The following FAM47E variants were observed in gnomAD, a reference collection of about 807,000 sequenced individuals.
FAM47E encodes family with sequence similarity 47 member E, also known as protein FAM47E.
A neutral mutation model predicts 41.6 loss-of-function variants in FAM47E; 32 were observed. The observed-to-expected ratio is 0.77, with a 90% CI of 0.58 to 1.03. The LOEUF is 1.03. Ranked by LOEUF, FAM47E falls within the 50% of genes least tolerant of loss-of-function variation. The pLI, the probability that FAM47E is intolerant of heterozygous loss-of-function variation, is 0.00. For synonymous variants in FAM47E, 184 were observed against 188.7 expected, an observed-to-expected ratio of 0.98 and a Z score of 0.20; for missense variants, 424 against 485.4, an observed-to-expected ratio of 0.87 and a Z score of 1.19.
chr4:76,265,237 G>T (rs975269506), intron 3 of FAM47E, among the ~76,000 whole-genome samples: 1 of 152,164 alleles, frequency 6.6e-6, no homozygotes, highest in Non-Finnish European at 1.5e-5. Context: ...CCTCCATGAG[G>T]AGCAAGATGG....
chr4:76,283,299 G>T (rs534666343), intron 7 of FAM47E, 82 bp from the exon 8 acceptor site: 1 of 739,912 alleles, frequency 1.4e-6, no homozygotes, highest in African/African-American at 1.8e-5. Context: ...TTTTGAGTTA[G>T]ATATGGTAGT....
In FAM47E at chr4:76,268,665, A is replaced by G. The variant is rs1285438308; in HGVS notation, c.566A>G (p.Lys189Arg). The G allele has an allele frequency of 3.9e-6, 6 of 1,550,128 alleles. No individual in the cohort carries two copies. The South Asian group carries it at 6.0e-5, about 15-fold the overall frequency. The change falls in exon 4 of 8, where the codon AAG (lysine) becomes AGG (arginine). Residue 189 changes from lysine (K) to arginine (R), a missense_variant. Physicochemically the swap from Lys to Arg is conservative, Grantham distance 26. Transcript: ENST00000424749. ...HSTQVYLGPSKKTSVSNAGQW... is the reference protein window; with the variant it reads ...HSTQVYLGPSRKTSVSNAGQW... ...TTTAATGATCTTATCTTTAGTTCCA[A>G]GAAGACGTCTGTGTCAAACGCAGGC...
intron 2 of FAM47E, among the ~76,000 whole-genome samples, chr4:76,226,294 G>T (rs575985514): frequency 5.9e-5 from 9 of 152,328 alleles, no homozygotes; most frequent in African/African-American, 1.9e-4. Flanking sequence ...TGAGGACATT[G>T]AGGGTAGAAA....
chr4:76,272,035 A>G (rs1166246353), intron 5 of FAM47E, among the ~76,000 whole-genome samples: 1 of 152,246 alleles, frequency 6.6e-6, no homozygotes, highest in Non-Finnish European at 1.5e-5. Flanking sequence ...TATATGTTGG[A>G]ATACTAAAAG....
At chr4:76,253,543 G>T (rs965865571) in intron 1 of FAM47E, among the ~76,000 whole-genome samples, 1 of 152,126 alleles carries the variant, frequency 6.6e-6, no homozygotes, top group Non-Finnish European at 1.5e-5. Context: ...ATGCAGAATG[G>T]TAAGCTTATT....
rs1175209182 is a variant in FAM47E, at chr4:76,280,432, A to G, written c.1104+91A>G. 10 of 700,804 alleles carry G rather than the reference A, an allele frequency of 1.4e-5. No individual in the cohort carries two copies. The East Asian group carries it at 2.8e-4, about 20-fold the overall frequency. 43.4% of individuals were successfully genotyped at this position (700,804 alleles called of 1,614,324 possible). A position where few individuals can be genotyped will look rare whatever the true frequency, so the allele number is the denominator to read the frequency against. ...AGAGGTTATGACCCTGACAAACCCAAATAGTTCTCTTACAGGCACATACCA... is the reference window on the plus strand; with the variant it reads ...AGAGGTTATGACCCTGACAAACCCAGATAGTTCTCTTACAGGCACATACCA... On this transcript the variant is annotated intron_variant, in intron 7 of 7. Transcript: ENST00000424749.
At chr4:76,271,874 A>G (rs576562392) in intron 5 of FAM47E, 106 bp downstream of exon 5, 1 of 1,291,130 alleles carries the variant, frequency 7.7e-7, no homozygotes, top group African/African-American at 1.5e-5. Context: ...TTTTTAAAGT[A>G]GAATTCTGGA....
At chr4:76,229,016 G>A (rs1346298469) in intron 2 of FAM47E, among the ~76,000 whole-genome samples, 3 of 152,066 alleles carry the variant, frequency 2.0e-5, no homozygotes, top group Non-Finnish European at 4.4e-5. Flanking sequence ...TTTCATGGAC[G>A]CTTTATTCAT....
intron 2 of FAM47E, among the ~76,000 whole-genome samples, chr4:76,234,007 C>T (rs113245390): frequency 6.6e-6 from 1 of 152,194 alleles, no homozygotes; most frequent in African/African-American, 2.4e-5. Flanking sequence ...GTTCCTTCAC[C>T]AGGGAGACAA....
At chr4:76,232,116 G>T (rs1733503109) in intron 2 of FAM47E, among the ~76,000 whole-genome samples, 1 of 152,108 alleles carries the variant, frequency 6.6e-6, no homozygotes, top group Admixed American at 6.6e-5. Flanking sequence ...TTCAAATTTT[G>T]GTTACAGAAG....
At chr4:76,270,084 G>A (rs1321336132) in intron 4 of FAM47E, among the ~76,000 whole-genome samples, 1 of 152,122 alleles carries the variant, frequency 6.6e-6, no homozygotes, top group Non-Finnish European at 1.5e-5. Flanking sequence ...GAGAGAAAAG[G>A]GAAGCATCCA....
At chr4:76,242,798 G>T (rs1733738743) in intron 2 of FAM47E, among the ~76,000 whole-genome samples, 1 of 152,012 alleles carries the variant, frequency 6.6e-6, no homozygotes, top group African/African-American at 2.4e-5. Flanking sequence ...TTTTTATGTG[G>T]AGCTAAATAA....
intron 2 of FAM47E, among the ~76,000 whole-genome samples, chr4:76,224,288 G>A (rs12504181): frequency 0.11 from 17,433 of 152,136 alleles, 1,321 homozygotes; most frequent in East Asian, 0.41. Context: ...GCCTTTATCC[G>A]AAGGAAAAAT....
chr4:76,229,661 GAA>G (rs1733459607), intron 2 of FAM47E, among the ~76,000 whole-genome samples: 1 of 152,206 alleles, frequency 6.6e-6, no homozygotes, highest in Non-Finnish European at 1.5e-5. Flanking sequence ...CTGGTGCTGA[GAA>G]ATACCTGATT....
At chr4:76,251,639 C>T, upstream of FAM47E, 1 of 1,348,396 alleles carries the variant, frequency 7.4e-7, no homozygotes, top group Non-Finnish European at 9.5e-7. Context: ...TGCCAGGCGC[C>T]CGGGGCAAAT....
At chr4:76,258,462 C>T (rs567872411) in intron 2 of FAM47E, among the ~76,000 whole-genome samples, 45 of 152,158 alleles carry the variant, frequency 3.0e-4, no homozygotes, top group African/African-American at 9.9e-4. Flanking sequence ...GATATTCATG[C>T]GAGGGAAAGT....
chr4:76,232,919 C>G (rs751032529), intron 2 of FAM47E, among the ~76,000 whole-genome samples: 1 of 152,046 alleles, frequency 6.6e-6, no homozygotes, highest in Non-Finnish European at 1.5e-5. Flanking sequence ...CTTTAATAAC[C>G]CTTTTGAATT....
chr4:76,216,059 G>A (rs1418277011), intron 1 of FAM47E, among the ~76,000 whole-genome samples: 1 of 152,102 alleles, frequency 6.6e-6, no homozygotes, highest in African/African-American at 2.4e-5. Flanking sequence ...AGAACCTGGT[G>A]GGGTCCTGAA....
upstream of FAM47E, among the ~76,000 whole-genome samples, chr4:76,250,321 C>T (rs1241213487): frequency 6.6e-6 from 1 of 152,088 alleles, no homozygotes; most frequent in Non-Finnish European, 1.5e-5. Context: ...TGATATCTAG[C>T]CTTTTTTCAT....
Sources: gnomAD v4.1 joint callset for allele counts (sites outside exome capture counted in the v4.1 genomes callset) on GRCh38, gnomAD v4.1.1 for gene constraint, MANE v1.5 for transcripts, NCBI Gene and HGNC (gene_info 2026-07-23, HGNC 2026-07-21) for gene names.